The following JHY variants were observed in gnomAD, a reference collection of about 807,000 sequenced individuals.
JHY encodes the protein junctional cadherin complex regulator.
JHY carries 69 observed loss-of-function variants against 78.0 expected under a neutral mutation model. That is an observed-to-expected ratio of 0.88 (90% CI 0.73 to 1.08). The LOEUF (loss-of-function observed/expected upper bound fraction) is 1.08, where lower values mean the gene tolerates loss of function less well. Among genes scored for constraint, JHY ranks in the 50% least tolerant of loss-of-function variants. The pLI is 0.00. For synonymous variants in JHY, 368 were observed against 342.6 expected (o/e 1.07, Z -0.82); for missense variants, 944 against 927.8 (o/e 1.02, Z -0.23).
chr11:122,902,091 C>A (rs1417577822), intron 2 of JHY, among the ~76,000 whole-genome samples: 2 of 144,430 alleles, frequency 1.4e-5, no homozygotes, highest in Non-Finnish European at 3.1e-5. Context: ...TCCTGAAGGA[C>A]CTGCCTGAGG....
rs1259815461 is a variant in JHY at position 122,920,326 on chromosome 11, GT to G, written c.865-4570del. 2.0e-5 allele frequency among the ~76,000 whole-genome samples: 3 copies of G among 152,276 alleles called. No individual in the cohort carries two copies. The East Asian group carries it at 5.8e-4, about 29-fold the overall frequency. ...AATCAACTCTATTTAATTTGGATATGTGCTAGTTGTCAATACTATCAAAGAA... is the reference window on the plus strand; with the variant it reads ...AATCAACTCTATTTAATTTGGATATGGCTAGTTGTCAATACTATCAAAGAA... On this transcript the variant is annotated intron_variant, in intron 3 of 8. Coordinates refer to ENST00000227349, the MANE Select transcript of JHY (RefSeq NM_024806.4).
intron 3 of JHY, among the ~76,000 whole-genome samples, chr11:122,912,934 G>A (rs1418272084): frequency 2.6e-5 from 4 of 151,976 alleles, no homozygotes; most frequent in East Asian, 1.9e-4. Flanking sequence ...AGAAGCTATC[G>A]TTACCACTAG....
intron 3 of JHY, among the ~76,000 whole-genome samples, chr11:122,907,721 G>T (rs1333088706): frequency 6.6e-6 from 1 of 151,334 alleles, no homozygotes; most frequent in Non-Finnish European, 1.5e-5. Flanking sequence ...GAGCATGCCT[G>T]TAATCCCAGC....
intron 5 of JHY, among the ~76,000 whole-genome samples, chr11:122,944,864 T>C: frequency 6.6e-6 from 1 of 152,182 alleles, no homozygotes; most frequent in East Asian, 1.9e-4. Flanking sequence ...GTCAATATAA[T>C]TAACATTTAT....
Position 122,962,667 on chromosome 11 carries a change from T to C in JHY, c.*3222T>C, listed in dbSNP as rs997204631. ...AACTTAATTTGGAAGAGAAAAAGAA[T>C]GCATATAGAGACATTCATATTTAAA... On this transcript the variant is annotated 3_prime_UTR_variant, in exon 9 of 9. Coordinates refer to ENST00000227349, the MANE Select transcript of JHY (RefSeq NM_024806.4). Among the ~76,000 whole-genome samples the C allele has an allele frequency of 1.9e-4, 29 of 152,346 alleles. No individual in the cohort carries two copies. Among genetic ancestry groups the C allele is most frequent in the African/African-American group, 5.5e-4 (23 of 41,588 alleles).
intron 6 of JHY, among the ~76,000 whole-genome samples, chr11:122,951,539 A>G (rs1034370854): frequency 2.0e-5 from 3 of 152,178 alleles, no homozygotes; most frequent in African/African-American, 7.2e-5. Context: ...CGTGTTTTTC[A>G]GTAACTTTCT....
At chr11:122,955,295 A>G (rs1337421847) in intron 6 of JHY, among the ~76,000 whole-genome samples, 2 of 151,844 alleles carry the variant, frequency 1.3e-5, no homozygotes, top group Admixed American at 6.6e-5. Context: ...TAATTTTTGT[A>G]TTTTTAGTAG....
chr11:122,913,747 C>T (rs559322952), intron 3 of JHY, among the ~76,000 whole-genome samples: 3 of 152,156 alleles, frequency 2.0e-5, no homozygotes, highest in Middle Eastern at 6.3e-3. Flanking sequence ...CTGCAGAACC[C>T]GTAACCCCAC....
intron 6 of JHY, chr11:122,947,427 T>A (rs187686332): frequency 6.6e-6 from 1 of 152,332 alleles, no homozygotes; most frequent in Non-Finnish European, 1.5e-5. Flanking sequence ...TCTTTTCTCA[T>A]AGGGCCTACA....
chr11:122,912,705 C>T (rs1863156936), intron 3 of JHY, among the ~76,000 whole-genome samples: 1 of 152,010 alleles, frequency 6.6e-6, no homozygotes. Flanking sequence ...CACCACTGCA[C>T]TCCATCCTGG....
At chr11:122,949,796 TGTAA>T (rs2135376754) in intron 6 of JHY, among the ~76,000 whole-genome samples, 2 of 152,070 alleles carry the variant, frequency 1.3e-5, no homozygotes, top group African/African-American at 4.8e-5. Flanking sequence ...CCGGTTCCAC[TGTAA>T]GTAAGGAGAA....
chr11:122,941,215 C>T (rs1863868762), intron 5 of JHY, among the ~76,000 whole-genome samples: 1 of 152,178 alleles, frequency 6.6e-6, no homozygotes, highest in South Asian at 2.1e-4. Context: ...GTTATTGCTT[C>T]TAGACTCAAG....
intron 3 of JHY, among the ~76,000 whole-genome samples, chr11:122,912,212 G>C (rs1167896739): frequency 6.6e-6 from 1 of 151,590 alleles, no homozygotes; most frequent in East Asian, 1.9e-4. Flanking sequence ...ACTTGAACCT[G>C]GGAGGCGGAG....
intron 3 of JHY, among the ~76,000 whole-genome samples, chr11:122,921,763 C>T (rs542674517): frequency 2.2e-4 from 33 of 152,184 alleles, no homozygotes; most frequent in African/African-American, 7.0e-4. Flanking sequence ...GCAGGCCGAT[C>T]ACTTGAGTCC....
At chr11:122,896,016 T>G (rs1300651156) in intron 2 of JHY, among the ~76,000 whole-genome samples, 1 of 152,166 alleles carries the variant, frequency 6.6e-6, no homozygotes, top group Non-Finnish European at 1.5e-5. Context: ...TAAGATAGTC[T>G]TTTCAGGTGT....
intron 6 of JHY, among the ~76,000 whole-genome samples, chr11:122,956,186 C>T (rs570175760): frequency 1.1e-4 from 16 of 151,936 alleles, no homozygotes; most frequent in South Asian, 2.1e-4. Context: ...AAAAAACATT[C>T]GTAAGAAAAC....
At chr11:122,956,243 A>C (rs1864187668) in intron 6 of JHY, among the ~76,000 whole-genome samples, 1 of 152,210 alleles carries the variant, frequency 6.6e-6, no homozygotes, top group South Asian at 2.1e-4. Context: ...TCAGAATTTT[A>C]AGTTTCTTTA....
At position 122,956,012 on chromosome 11, in the gene JHY, G is replaced by A. The variant is rs187652457; in HGVS notation, c.1930-484G>A. On this transcript the variant is annotated intron_variant, in intron 6 of 8. Transcript: ENST00000227349. The stretch of plus-strand genomic sequence containing the variant: ...ATAACATATATGTTGTGTTAAAAAC[G>A]TTAATAGCAAGGGCCAGGTGAAGTG... 5.9e-5 allele frequency among the ~76,000 whole-genome samples: 9 copies of A among 152,142 alleles called. No individual in the cohort carries two copies. The East Asian group carries it at 7.7e-4, about 13-fold the overall frequency.
At chr11:122,888,266 A>G (rs1302419752) in intron 2 of JHY, among the ~76,000 whole-genome samples, 1 of 152,214 alleles carries the variant, frequency 6.6e-6, no homozygotes, top group East Asian at 1.9e-4. Flanking sequence ...GAGATGCAGC[A>G]GCGTTTAAGG....
Sources: allele counts gnomAD v4.1 joint callset (sites outside exome capture counted in the v4.1 genomes callset), GRCh38; gene constraint gnomAD v4.1.1; transcripts MANE v1.5; gene names NCBI Gene and HGNC (gene_info 2026-07-23, HGNC 2026-07-21).